The following ROCK2 variants were observed in gnomAD, a reference collection of about 807,000 sequenced individuals.
ROCK2 encodes rho-associated protein kinase 2.
A neutral mutation model predicts 195.1 loss-of-function variants in ROCK2; 61 were observed. That is an observed-to-expected ratio of 0.31 (90% CI 0.25 to 0.39). The LOEUF (loss-of-function observed/expected upper bound fraction) is 0.39. ROCK2 is among the 10% of genes least tolerant of loss of function. The pLI, the probability that ROCK2 is intolerant of heterozygous loss-of-function variation, is 1.00. For missense variants in ROCK2, 1,109 were observed against 1,637.4 expected, an observed-to-expected ratio of 0.68 and a Z score of 5.57; for synonymous variants, 504 against 545.5, an observed-to-expected ratio of 0.92 and a Z score of 1.06.
intron 3 of ROCK2, among the ~76,000 whole-genome samples, chr2:11,283,858 T>C (rs1442096099): frequency 6.6e-6 from 1 of 152,202 alleles, no homozygotes; most frequent in African/African-American, 2.4e-5. Flanking sequence ...GGCAGTTTTT[T>C]AGAAAACCAA....
chr2:11,344,736 CA>C (rs1669241026), upstream of ROCK2, among the ~76,000 whole-genome samples: 1 of 148,918 alleles, frequency 6.7e-6, no homozygotes, highest in Admixed American at 6.7e-5. This position sits in a 1 kb window ranked among gnomAD's most constrained non-coding sequence, Gnocchi z 5.4. Context: ...CCGCCCCGCG[CA>C]CCGCGCTTCC....
At chr2:11,198,817 A>G (rs1057481008) in intron 23 of ROCK2, 43 bp from the exon 24 acceptor site, 2 of 1,072,858 alleles carry the variant, frequency 1.9e-6, no homozygotes, top group Admixed American at 4.2e-5. Flanking sequence ...CCCAATTTAC[A>G]CAATTTATGT....
intron 5 of ROCK2, among the ~76,000 whole-genome samples, chr2:11,228,209 T>G (rs1333518626): frequency 6.6e-6 from 1 of 152,148 alleles, no homozygotes; most frequent in East Asian, 1.9e-4. Flanking sequence ...TAAGTGCCCT[T>G]TATTTCCTTT....
At chr2:11,208,160 G>T in intron 19 of ROCK2, 127 bp downstream of exon 19, 3 of 526,850 alleles carry the variant, frequency 5.7e-6, no homozygotes, top group Non-Finnish European at 8.7e-6. Context: ...TCAAAATTTA[G>T]TTAAACCAAC....
In ROCK2 at chr2:11,197,219, T is replaced by C. The variant is rs1279619968; in HGVS notation, c.3409A>G (p.Ser1137Gly). 2 of 1,611,226 alleles carry C rather than the reference T, an allele frequency of 1.2e-6. No individual in the cohort carries two copies. Among genetic ancestry groups the C allele is most frequent in the Non-Finnish European group, 1.7e-6 (2 of 1,179,126 alleles). ...HIGLDSSSIG[S>G]GPGDAEADDG... ...TCTGCCTCAGCATCCCCTGGTCCAC[T>C]GCCTATACTGGAACTATCCAGACCA... The change falls in exon 27 of 33, where the codon AGT becomes GGT. Residue 1137 changes from serine (S) to glycine (G), a missense_variant. Ser to Gly is a moderately conservative substitution (Grantham distance 56, BLOSUM62 0). Around this residue, in one of 6 missense-constraint regions of ROCK2, gnomAD observed 221 missense variants for 355.1 expected, o/e 0.62. Transcript: ENST00000315872. The surrounding 1 kb of genome is among the most constrained non-coding windows in gnomAD (Gnocchi z 4.9).
intron 17 of ROCK2, 37 bp downstream of exon 17, chr2:11,214,320 T>G (rs1023237085): frequency 1.7e-6 from 2 of 1,196,336 alleles, no homozygotes; most frequent in African/African-American, 3.0e-5. Flanking sequence ...AAGTCTACTG[T>G]CAATTTTCTT....
chr2:11,248,570 A>T (rs974527830), intron 4 of ROCK2, among the ~76,000 whole-genome samples: 1 of 151,644 alleles, frequency 6.6e-6, no homozygotes, highest in Non-Finnish European at 1.5e-5. Context: ...TTAGCCAGGC[A>T]TGGTGGCAGA....
rs1322344690 is a variant in ROCK2, at chr2:11,182,016, AC to A, written c.*1420del. On this transcript the variant is annotated 3_prime_UTR_variant, in exon 33 of 33. Transcript: ENST00000315872. ...AAAAGACTTCATAATATAAAAAAAA[AC>A]AAAAACAAAAAAAAAACTTTACGCT... 1.3e-5 allele frequency: 2 copies of A among 151,782 alleles called. No homozygotes were observed. Among genetic ancestry groups the A allele is most frequent in the South Asian group, 2.1e-4 (1 of 4,814 alleles). 9.4% of individuals were successfully genotyped at this position (151,782 alleles called of 1,614,324 possible).
intron 20 of ROCK2, among the ~76,000 whole-genome samples, chr2:11,202,733 T>G (rs1021967814): frequency 6.6e-6 from 1 of 152,110 alleles, no homozygotes; most frequent in African/African-American, 2.4e-5. Flanking sequence ...CCTGACCTTG[T>G]GATCTGCCCA....
chr2:11,325,126 A>C (rs997666141), intron 1 of ROCK2, among the ~76,000 whole-genome samples: 6 of 152,222 alleles, frequency 3.9e-5, no homozygotes, highest in Admixed American at 1.3e-4. Flanking sequence ...CTGACCCTTA[A>C]CATGGGTTTG....
chr2:11,224,372 T>C lies in ROCK2; in HGVS notation c.957A>G (p.Ala319=), dbSNP rs1178643310. 6.2e-7 allele frequency: 1 copy of C among 1,613,488 alleles called. No homozygotes were observed. Among genetic ancestry groups the C allele is most frequent in the South Asian group, 1.1e-5 (1 of 91,040 alleles). ...GATTCTTTGCATGTTTGGAAATTTC[T>C]GCATCTTCAGGGAAACACAGTGAAT... is the stretch of plus-strand genomic sequence containing the variant. ...HKNSLCFPED[A]EISKHAKNLI... Residue 319 remains alanine (A), a synonymous_variant, in exon 7 of 33, where the codon GCA becomes GCG. Transcript: ENST00000315872.
At chr2:11,249,006 C>T (rs912194195) in intron 4 of ROCK2, among the ~76,000 whole-genome samples, 3 of 152,138 alleles carry the variant, frequency 2.0e-5, no homozygotes, top group African/African-American at 7.2e-5. Context: ...AGCGATTCTC[C>T]TGCCTCAGCC....
chr2:11,309,956 G>A (rs948855346), intron 1 of ROCK2, among the ~76,000 whole-genome samples: 9 of 151,548 alleles, frequency 5.9e-5, no homozygotes, highest in African/African-American at 1.9e-4. Context: ...ACTCCAGCCT[G>A]CCCTGTCTCC....
intron 1 of ROCK2, among the ~76,000 whole-genome samples, chr2:11,312,490 A>G (rs1668067678): frequency 6.6e-6 from 1 of 152,042 alleles, no homozygotes; most frequent in Non-Finnish European, 1.5e-5. Flanking sequence ...TTGTTTTCCT[A>G]TCACTATAAA....
intron 23 of ROCK2, among the ~76,000 whole-genome samples, chr2:11,199,615 G>A (rs1275211275): frequency 3.3e-5 from 5 of 151,924 alleles, no homozygotes; most frequent in Non-Finnish European, 7.4e-5. Context: ...ACAGGCATGA[G>A]CCACCATGCC....
chr2:11,288,088 C>A (rs987453539), intron 1 of ROCK2, among the ~76,000 whole-genome samples: 4 of 152,176 alleles, frequency 2.6e-5, no homozygotes, highest in Non-Finnish European at 2.9e-5. Flanking sequence ...ACACTAAGTT[C>A]CCTCTCATTA....
chr2:11,288,649 G>A (rs1227965912), intron 1 of ROCK2, among the ~76,000 whole-genome samples: 1 of 136,516 alleles, frequency 7.3e-6, no homozygotes, highest in Admixed American at 7.7e-5. Flanking sequence ...CCTGCTAAAA[G>A]AAACAATGGG....
intron 1 of ROCK2, among the ~76,000 whole-genome samples, chr2:11,325,716 G>A (rs969762431): frequency 3.9e-5 from 6 of 151,992 alleles, no homozygotes; most frequent in Non-Finnish European, 7.4e-5. Context: ...AGAATAACAG[G>A]GTAAGTTTAC....
At chr2:11,219,131 CT>C in intron 9 of ROCK2, 105 bp from the exon 10 acceptor site, 1 of 538,586 alleles carries the variant, frequency 1.9e-6, no homozygotes, top group South Asian at 3.2e-5. Flanking sequence ...AGATTTCTCT[CT>C]TTTCCCTTCA....
Sources: allele counts gnomAD v4.1 joint callset (sites outside exome capture counted in the v4.1 genomes callset), GRCh38; gene constraint gnomAD v4.1.1; regional missense constraint gnomAD v4.1.1; non-coding constraint Gnocchi (gnomAD v3.1); transcripts MANE v1.5; gene names NCBI Gene and HGNC (gene_info 2026-07-23, HGNC 2026-07-21).